ANKFN1: variants seen among roughly 807,000 people sequenced by gnomAD.
ANKFN1 encodes the protein ankyrin repeat and fibronectin type-III domain-containing protein 1.
A neutral mutation model predicts 108.7 loss-of-function variants in ANKFN1; 74 were observed. That is an observed-to-expected ratio of 0.68 (90% CI 0.56 to 0.83). ANKFN1 has a LOEUF of 0.83. ANKFN1 is among the 40% of genes least tolerant of loss of function. The pLI is 0.00. For synonymous variants in ANKFN1, 547 were observed against 516.2 expected (o/e 1.06, Z -0.81); for missense variants, 1,505 against 1,382.3 (o/e 1.09, Z -1.41).
chr17:56,306,506 A>G (rs1200702540), intron 3 of ANKFN1, among the ~76,000 whole-genome samples: 1 of 152,224 alleles, frequency 6.6e-6, no homozygotes. Flanking sequence ...AATACCTAGG[A>G]ATACAACTTA....
intron 3 of ANKFN1, chr17:56,258,412 C>T (rs1415204639): frequency 6.6e-6 from 1 of 152,166 alleles, no homozygotes; most frequent in Non-Finnish European, 1.5e-5. Flanking sequence ...TTTGCTTTCA[C>T]ATTCCCATAA....
At chr17:56,460,332 A>T (rs1327291084) in intron 14 of ANKFN1, among the ~76,000 whole-genome samples, 1 of 152,136 alleles carries the variant, frequency 6.6e-6, no homozygotes, top group African/African-American at 2.4e-5. Flanking sequence ...GCACATCTGC[A>T]GTACTGGCTA....
chr17:56,153,893 C>T (rs917042178), intron 1 of ANKFN1, among the ~76,000 whole-genome samples: 13 of 152,166 alleles, frequency 8.5e-5, no homozygotes, highest in Admixed American at 6.5e-4. Flanking sequence ...TTAATGCCAA[C>T]TCTTGCTCAT....
At chr17:56,485,214 C>G (rs1011173909) in intron 18 of ANKFN1, among the ~76,000 whole-genome samples, 1 of 152,090 alleles carries the variant, frequency 6.6e-6, no homozygotes, top group African/African-American at 2.4e-5. Flanking sequence ...AAATAACAAA[C>G]CAATCAATAA....
At chr17:56,126,934 G>A (rs1442255462) in intron 4 of ANKFN1, among the ~76,000 whole-genome samples, 1 of 152,140 alleles carries the variant, frequency 6.6e-6, no homozygotes, top group Non-Finnish European at 1.5e-5. Context: ...AATTAAATGG[G>A]ATAAATGCAC....
chr17:56,182,951 A>T (rs2143637643), intron 1 of ANKFN1, among the ~76,000 whole-genome samples: 1 of 152,334 alleles, frequency 6.6e-6, no homozygotes, highest in South Asian at 2.1e-4. Flanking sequence ...ATGAGAAAGC[A>T]TGGATGACAG....
At chr17:56,408,708 G>A (rs1202310942) in intron 8 of ANKFN1, among the ~76,000 whole-genome samples, 1 of 152,162 alleles carries the variant, frequency 6.6e-6, no homozygotes, top group Admixed American at 6.5e-5. Context: ...GAAGTTTGGT[G>A]TAGTCTGTGA....
chr17:56,394,484 T>C (rs949290870), intron 8 of ANKFN1, among the ~76,000 whole-genome samples: 3 of 152,160 alleles, frequency 2.0e-5, no homozygotes, highest in African/African-American at 7.2e-5. Context: ...CACTTCCTCC[T>C]GGGGAAAAGT....
chr17:56,056,618 C>T (rs1012391574), intron 4 of ANKFN1, among the ~76,000 whole-genome samples: 1 of 152,140 alleles, frequency 6.6e-6, no homozygotes, highest in African/African-American at 2.4e-5. Context: ...ACTGGCTAGA[C>T]ATATGCAGAA....
At chr17:56,334,152 A>G (rs1410065508) in intron 4 of ANKFN1, among the ~76,000 whole-genome samples, 2 of 152,166 alleles carry the variant, frequency 1.3e-5, no homozygotes, top group Non-Finnish European at 2.9e-5. Context: ...GACTACTGAC[A>G]CGAAGAGTAT....
chr17:56,076,945 G>T (rs550592005), intron 4 of ANKFN1, among the ~76,000 whole-genome samples: 5 of 152,242 alleles, frequency 3.3e-5, no homozygotes, highest in African/African-American at 1.2e-4. Flanking sequence ...TATCTCTAGG[G>T]TTGTGGTATT....
At chr17:56,174,986 A>G (rs1463214625) in intron 1 of ANKFN1, among the ~76,000 whole-genome samples, 1 of 152,162 alleles carries the variant, frequency 6.6e-6, no homozygotes, top group African/African-American at 2.4e-5. Flanking sequence ...TCTCTGTGCC[A>G]TAATTTCTAT....
chr17:56,226,644 A>G (rs1439856818), intron 2 of ANKFN1, among the ~76,000 whole-genome samples: 1 of 152,154 alleles, frequency 6.6e-6, no homozygotes, highest in Non-Finnish European at 1.5e-5. Flanking sequence ...CTCCCATTTC[A>G]TGGATTTATC....
chr17:56,434,222 T>C (rs1379373014), intron 8 of ANKFN1, among the ~76,000 whole-genome samples: 1 of 152,186 alleles, frequency 6.6e-6, no homozygotes, highest in East Asian at 1.9e-4. Context: ...TATCATATGA[T>C]AAGCAAAACT....
At chr17:56,075,822 A>G (rs2143150632) in intron 4 of ANKFN1, among the ~76,000 whole-genome samples, 1 of 152,198 alleles carries the variant, frequency 6.6e-6, no homozygotes, top group South Asian at 2.1e-4. Context: ...TCTCAAACAG[A>G]AGTTAACTGG....
rs757568885 is a variant in ANKFN1, at chr17:56,087,075, C to CT, written c.288+40751dup. 4.0e-4 allele frequency among the ~76,000 whole-genome samples: 60 copies of CT among 151,486 alleles called. 3 individuals are homozygous for CT. The highest frequency in any genetic ancestry group is 5.9e-4 in the Non-Finnish European group (40 of 67,746). ...TTGGTTGTTGCTGCTGCCACTACTA[C>CT]TACTGAGGAGAGTAGCTCAGGAGGT... On this transcript the variant is annotated intron_variant, in intron 4 of 12. Transcript: ENST00000635860.
At chr17:56,307,390 A>G (rs1018573620) in intron 3 of ANKFN1, among the ~76,000 whole-genome samples, 1 of 151,708 alleles carries the variant, frequency 6.6e-6, no homozygotes, top group African/African-American at 2.4e-5. Flanking sequence ...AGAAAAAAAC[A>G]AACAACCCCA....
In ANKFN1 at chr17:56,321,460, A is replaced by AG. The variant is rs553718613; in HGVS notation, c.54-4760dup. Among the ~76,000 whole-genome samples the AG allele has an allele frequency of 1.9e-3, 276 of 144,700 alleles. 1 individual carries two copies. Among genetic ancestry groups the AG allele is most frequent in the Middle Eastern group, 3.5e-3 (1 of 288 alleles). The allele number at this position is 144,700 out of a possible 152,430, so 94.9% of individuals were successfully genotyped here. A position where few individuals can be genotyped will look rare whatever the true frequency, so the allele number is the denominator to read the frequency against. ...GATCCTGATGAAAAGGCACTCCCTA[A>AG]GAAAAAAAAAAAAAAATCTTCGCTG... On this transcript the variant is annotated intron_variant, in intron 3 of 20. Transcript: ENST00000682825.
intron 9 of ANKFN1, among the ~76,000 whole-genome samples, chr17:56,441,460 C>T (rs946655723): frequency 5.9e-5 from 9 of 152,030 alleles, no homozygotes; most frequent in South Asian, 4.1e-4. Flanking sequence ...TAGTCCTAAT[C>T]GCATATCTAT....
Sources: gnomAD v4.1 joint callset for allele counts (sites outside exome capture counted in the v4.1 genomes callset) on GRCh38, gnomAD v4.1.1 for gene constraint, MANE v1.5 for transcripts, NCBI Gene and HGNC (gene_info 2026-07-23, HGNC 2026-07-21) for gene names.